Variants in ZC2HC1B observed in about 807,000 individuals in gnomAD.
ZC2HC1B encodes zinc finger C2HC domain-containing protein 1B.
A neutral mutation model predicts 31.0 loss-of-function variants in ZC2HC1B; 36 were observed. The observed-to-expected ratio is 1.16, with a 90% CI of 0.89 to 1.54. ZC2HC1B has a LOEUF of 1.54. Among genes scored for constraint, ZC2HC1B ranks in the 40% most tolerant of loss-of-function variants. ZC2HC1B has a pLI of 0.00. For missense variants in ZC2HC1B, 260 were observed against 268.6 expected, an observed-to-expected ratio of 0.97 and a Z score of 0.22; for synonymous variants, 73 against 88.0, an observed-to-expected ratio of 0.83 and a Z score of 0.95.
intron 6 of ZC2HC1B, among the ~76,000 whole-genome samples, chr6:143,907,115 T>G (rs887588703): frequency 2.0e-5 from 3 of 152,174 alleles, no homozygotes; most frequent in African/African-American, 7.2e-5. Flanking sequence ...ACCATCTCAT[T>G]CCTTTTTATG....
chr6:143,886,249 G>C lies in ZC2HC1B; in HGVS notation c.210+98G>C. 8.0e-7 allele frequency: 1 copy of C among 1,249,162 alleles called. No homozygotes were observed. Among genetic ancestry groups the C allele is most frequent in the Non-Finnish European group, 1.0e-6 (1 of 971,114 alleles). 77.4% of individuals were successfully genotyped at this position (1,249,162 alleles called of 1,614,324 possible). A position where few individuals can be genotyped will look rare whatever the true frequency, so the allele number is the denominator to read the frequency against. On this transcript the variant is annotated intron_variant, in intron 3 of 7. Transcript: ENST00000237275. The surrounding 1 kb of genome is among the most constrained non-coding windows in gnomAD (Gnocchi z 4.2). The stretch of plus-strand genomic sequence containing the variant: ...GGTTTCATTTTTGCTTGATAATACA[G>C]TAATGTAATGTAACTGTAATCCACC...
At position 143,905,126 on chromosome 6, in the gene ZC2HC1B, G is replaced by GA. The variant is rs1443344737; in HGVS notation, c.598+1975dup. ...GAAACATCATTGAGATTTTAACCGT[G>GA]ATTGCACTGAATCTGCAGATTGCTT... On this transcript the variant is annotated intron_variant, in intron 6 of 7. Coordinates refer to ENST00000237275, the MANE Select transcript of ZC2HC1B (RefSeq NM_001013623.3). The surrounding 1 kb of genome is among the most constrained non-coding windows in gnomAD (Gnocchi z 4.2). 6.6e-6 allele frequency among the ~76,000 whole-genome samples: 1 copy of GA among 152,162 alleles called. No homozygotes were observed. Among genetic ancestry groups the GA allele is most frequent in the Non-Finnish European group, 1.5e-5 (1 of 68,034 alleles).
At chr6:143,881,516 A>G (rs74431532) in intron 1 of ZC2HC1B, among the ~76,000 whole-genome samples, 236 of 133,120 alleles carry the variant, frequency 1.8e-3, no homozygotes, top group South Asian at 0.012. Context: ...ATCCCACTGT[A>G]CCCTAGCCTG....
chr6:143,880,820 T>A (rs1239899821), intron 1 of ZC2HC1B, among the ~76,000 whole-genome samples: 2 of 152,252 alleles, frequency 1.3e-5, no homozygotes, highest in Admixed American at 6.5e-5. Flanking sequence ...TTAAACTTTT[T>A]ATTTTGCCGT....
chr6:143,928,201 A>G (rs1349318891), intron 6 of ZC2HC1B, among the ~76,000 whole-genome samples: 2 of 152,178 alleles, frequency 1.3e-5, no homozygotes, highest in Admixed American at 1.3e-4. Flanking sequence ...TGTGTAGGCC[A>G]ATGTCCAGAA....
chr6:143,924,618 C>T lies in ZC2HC1B; in HGVS notation c.599-13031C>T, dbSNP rs1478697116. Among the ~76,000 whole-genome samples the T allele has an allele frequency of 6.6e-6, 1 of 152,080 alleles. No individual in the cohort carries two copies. The highest frequency in any genetic ancestry group is 1.5e-5 in the Non-Finnish European group (1 of 68,002). Reference sequence around the variant, plus strand: ...CTTGTTACAGGTCTTTCAGCTTCTCCCCACTCAGTATTATGTTAGCTATGC... The same window carrying T: ...CTTGTTACAGGTCTTTCAGCTTCTCTCCACTCAGTATTATGTTAGCTATGC... On this transcript the variant is annotated intron_variant, in intron 6 of 7. Coordinates refer to ENST00000237275, the MANE Select transcript of ZC2HC1B (RefSeq NM_001013623.3). This position sits in a 1 kb window ranked among gnomAD's most constrained non-coding sequence, Gnocchi z 5.2.
chr6:143,880,189 C>T (rs1333760214), intron 1 of ZC2HC1B, among the ~76,000 whole-genome samples: 1 of 152,060 alleles, frequency 6.6e-6, no homozygotes, highest in African/African-American at 2.4e-5. Context: ...TTCTGTTACT[C>T]ATTTTTAACA....
chr6:143,866,731 C>T (rs1005805307), intron 1 of ZC2HC1B, among the ~76,000 whole-genome samples: 13 of 152,154 alleles, frequency 8.5e-5, no homozygotes, highest in Admixed American at 5.9e-4. Context: ...CATTGGTATG[C>T]TTTATCAGTC....
rs1169729954 is a variant in ZC2HC1B at position 143,917,762 on chromosome 6, C to T, written c.598+14610C>T. On this transcript the variant is annotated intron_variant, in intron 6 of 7. Transcript: ENST00000237275. This position sits in a 1 kb window ranked among gnomAD's most constrained non-coding sequence, Gnocchi z 4.1. ...AAAAAAAATCTGCAACACTTTGGTC[C>T]CAAGCATTTCAGATAAGGGATCCTT... Among the ~76,000 whole-genome samples the T allele has an allele frequency of 6.6e-6, 1 of 152,092 alleles. No individual in the cohort carries two copies. Among genetic ancestry groups the T allele is most frequent in the Admixed American group, 6.5e-5 (1 of 15,274 alleles).
rs1777778618 is a variant in ZC2HC1B at position 143,905,112 on chromosome 6, GA to G, written c.598+1961del. On this transcript the variant is annotated intron_variant, in intron 6 of 7. Coordinates refer to ENST00000237275, the MANE Select transcript of ZC2HC1B (RefSeq NM_001013623.3). The surrounding 1 kb of genome is among the most constrained non-coding windows in gnomAD (Gnocchi z 4.2). Reference sequence around the variant, plus strand: ...TTTTATTTCTGCAAGAAACATCATTGAGATTTTAACCGTGATTGCACTGAAT... The same window carrying G: ...TTTTATTTCTGCAAGAAACATCATTGGATTTTAACCGTGATTGCACTGAAT... Among the ~76,000 whole-genome samples the G allele has an allele frequency of 6.6e-6, 1 of 152,156 alleles. No homozygotes were observed. Among genetic ancestry groups the G allele is most frequent in the Non-Finnish European group, 1.5e-5 (1 of 68,028 alleles).
rs1777907264 is a variant in ZC2HC1B at position 143,915,561 on chromosome 6, T to C, written c.598+12409T>C. Among the ~76,000 whole-genome samples the C allele has an allele frequency of 6.6e-6, 1 of 152,150 alleles. No homozygotes were observed. The highest frequency in any genetic ancestry group is 1.5e-5 in the Non-Finnish European group (1 of 68,024). ...AAAAAGGCAGGAAAATGTGAGAAAG[T>C]TTGGAACTTCCTAGAGACTTGTTGA... On this transcript the variant is annotated intron_variant, in intron 6 of 7. Coordinates refer to ENST00000237275, the MANE Select transcript of ZC2HC1B (RefSeq NM_001013623.3). The surrounding 1 kb of genome is among the most constrained non-coding windows in gnomAD (Gnocchi z 5.2).
chr6:143,882,335 TATATATATATATATATA>T lies in ZC2HC1B; in HGVS notation c.29-1968_29-1952del, dbSNP rs1230209685. 2.3e-4 allele frequency among the ~76,000 whole-genome samples: 11 copies of T among 48,214 alleles called. 1 individual carries two copies. The East Asian group carries it at 3.0e-3, about 13-fold the overall frequency. 31.6% of individuals were successfully genotyped at this position (48,214 alleles called of 152,430 possible). ...ATATGTATACATATTTTATATTTTT[TATATATATATATATATA>T]TATATATATATATATATTTAGATGA... On this transcript the variant is annotated intron_variant, in intron 1 of 7. Transcript: ENST00000237275.
At chr6:143,909,869 A>T (rs1395383399) in intron 6 of ZC2HC1B, among the ~76,000 whole-genome samples, 2 of 151,966 alleles carry the variant, frequency 1.3e-5, no homozygotes, top group Non-Finnish European at 2.9e-5. Context: ...TATTGGATTC[A>T]TTGATTTTTT....
At position 143,913,789 on chromosome 6, in the gene ZC2HC1B, G is replaced by T. The variant is rs1185892877; in HGVS notation, c.598+10637G>T. On this transcript the variant is annotated intron_variant, in intron 6 of 7. Coordinates refer to ENST00000237275, the MANE Select transcript of ZC2HC1B (RefSeq NM_001013623.3). This position sits in a 1 kb window ranked among gnomAD's most constrained non-coding sequence, Gnocchi z 5.7. The stretch of plus-strand genomic sequence containing the variant: ...AATTGCTTCCCTTGGCTGGGGGTGG[G>T]TGTTTCCTTGGCTCCATGTCACTCC... Among the ~76,000 whole-genome samples the T allele has an allele frequency of 6.6e-6, 1 of 152,154 alleles. No individual in the cohort carries two copies. The highest frequency in any genetic ancestry group is 6.5e-5 in the Admixed American group (1 of 15,280).
Position 143,884,473 on chromosome 6 carries a change from A to G in ZC2HC1B, c.90+108A>G, listed in dbSNP as rs1043562589. ...TTAAAGACAGATGTGGAGGGGAAGCAAGGGAAGAGGAAAAGTACATAACCT... is the reference window on the plus strand; with the variant it reads ...TTAAAGACAGATGTGGAGGGGAAGCGAGGGAAGAGGAAAAGTACATAACCT... On this transcript the variant is annotated intron_variant, in intron 2 of 7. Transcript: ENST00000237275. This position sits in a 1 kb window ranked among gnomAD's most constrained non-coding sequence, Gnocchi z 5.1. The G allele has an allele frequency of 1.8e-5, 19 of 1,060,894 alleles. No homozygotes were observed. The South Asian group carries it at 3.2e-4, about 18-fold the overall frequency. The allele number at this position is 1,060,894 out of a possible 1,614,324, so 65.7% of individuals were successfully genotyped here.
Position 143,870,327 on chromosome 6 carries a change from T to C in ZC2HC1B, c.28+5760T>C, listed in dbSNP as rs772967348. ...TGTCCACTTTTGGGTGGTGCCTCCA[T>C]ATTGTGCAGAACCATCTGTGAACCG... On this transcript the variant is annotated intron_variant, in intron 1 of 7. Transcript: ENST00000237275. This position sits in a 1 kb window ranked among gnomAD's most constrained non-coding sequence, Gnocchi z 4.7. 6.6e-6 allele frequency among the ~76,000 whole-genome samples: 1 copy of C among 152,138 alleles called. No homozygotes were observed. Among genetic ancestry groups the C allele is most frequent in the South Asian group, 2.1e-4 (1 of 4,830 alleles).
chr6:143,910,333 T>C lies in ZC2HC1B; in HGVS notation c.598+7181T>C, dbSNP rs181162872. Reference sequence around the variant, plus strand: ...ATTGTGCTGTGGTCTGACAGACTGGTTGTTATGATTTCAGCTCTTTTGCTT... The same window carrying C: ...ATTGTGCTGTGGTCTGACAGACTGGCTGTTATGATTTCAGCTCTTTTGCTT... On this transcript the variant is annotated intron_variant, in intron 6 of 7. Coordinates refer to ENST00000237275, the MANE Select transcript of ZC2HC1B (RefSeq NM_001013623.3). Among the ~76,000 whole-genome samples, 27 of 152,340 alleles carry C rather than the reference T, an allele frequency of 1.8e-4. 1 individual carries two copies. Among genetic ancestry groups the C allele is most frequent in the Admixed American group, 1.7e-3 (26 of 15,292 alleles).
chr6:143,936,291 A>G (rs1778177047), intron 6 of ZC2HC1B, among the ~76,000 whole-genome samples: 1 of 152,170 alleles, frequency 6.6e-6, no homozygotes, highest in African/African-American at 2.4e-5. Context: ...AATTCTCACA[A>G]TAGCGTGAGG....
At chr6:143,910,317 T>C (rs1697380064) in intron 6 of ZC2HC1B, among the ~76,000 whole-genome samples, 1 of 152,262 alleles carries the variant, frequency 6.6e-6, no homozygotes, top group Non-Finnish European at 1.5e-5. Context: ...GATTGTGCTG[T>C]GGTCTGACAG....
Sources: gnomAD v4.1 joint callset for allele counts (sites outside exome capture counted in the v4.1 genomes callset) on GRCh38, gnomAD v4.1.1 for gene constraint, Gnocchi (gnomAD v3.1) non-coding constraint, MANE v1.5 for transcripts, NCBI Gene and HGNC (gene_info 2026-07-23, HGNC 2026-07-21) for gene names.